Variants in CDC6 observed in about 807,000 individuals in gnomAD.
The protein encoded by CDC6 is cell division cycle 6, also known as DNA replication factor CDC6.
A neutral mutation model predicts 60.2 loss-of-function variants in CDC6; 46 were observed. That is an observed-to-expected ratio of 0.76 (90% CI 0.60 to 0.98). The LOEUF (loss-of-function observed/expected upper bound fraction) is 0.98, where lower values mean the gene tolerates loss of function less well. CDC6 is among the 50% of genes least tolerant of loss of function. The pLI is 0.00. For synonymous variants in CDC6, 210 were observed against 233.2 expected, an observed-to-expected ratio of 0.90 and a Z score of 0.90; for missense variants, 596 against 652.9, an observed-to-expected ratio of 0.91 and a Z score of 0.95.
rs370781820 is a variant in CDC6, at chr17:40,302,023, C to T, written c.*22C>T. On this transcript the variant is annotated 3_prime_UTR_variant, in exon 12 of 12. Coordinates refer to ENST00000209728, the MANE Select transcript of CDC6 (RefSeq NM_001254.4). Reference sequence around the variant, plus strand: ...TTAAATTCTTCTCTTACACCCCACCCGAAAGTATTCAGCTGGCATTTAGAG... The same window carrying T: ...TTAAATTCTTCTCTTACACCCCACCTGAAAGTATTCAGCTGGCATTTAGAG... 19 of 1,315,656 alleles carry T rather than the reference C, an allele frequency of 1.4e-5. No individual in the cohort carries two copies. The highest frequency in any genetic ancestry group is 7.1e-5 in the South Asian group (6 of 85,066). 81.5% of individuals were successfully genotyped at this position (1,315,656 alleles called of 1,614,324 possible). A position where few individuals can be genotyped will look rare whatever the true frequency, so the allele number is the denominator to read the frequency against.
intron 8 of CDC6, 136 bp from the exon 9 acceptor site, chr17:40,296,565 AAC>A (rs1253949094): frequency 6.0e-6 from 4 of 666,016 alleles, no homozygotes; most frequent in Non-Finnish European, 1.1e-5. Flanking sequence ...GTGTAGGCTA[AAC>A]CATGTTAGCC....
At chr17:40,291,698 T>C in intron 4 of CDC6, 30 bp downstream of exon 4, 1 of 1,574,872 alleles carries the variant, frequency 6.3e-7, no homozygotes, top group South Asian at 1.1e-5. Context: ...TATGATACTC[T>C]TGGTAAAATG....
At position 40,287,943 on chromosome 17, in the gene CDC6, TGTG is replaced by T. The variant is rs1190078508; in HGVS notation, c.-154_-152del. The T allele has an allele frequency of 1.3e-5, 2 of 153,214 alleles. No homozygotes were observed. Among genetic ancestry groups the T allele is most frequent in the Non-Finnish European group, 1.5e-5 (1 of 68,400 alleles). 9.5% of individuals were successfully genotyped at this position (153,214 alleles called of 1,614,324 possible). A position where few individuals can be genotyped will look rare whatever the true frequency, so the allele number is the denominator to read the frequency against. ...CCGCTGTGCAGTTTGTTCAGGGGCT[TGTG>T]GTGGTGAGTCCGAGAGGCTGCGTGT... On this transcript the variant is annotated 5_prime_UTR_variant, in exon 1 of 12. Coordinates refer to ENST00000209728, the MANE Select transcript of CDC6 (RefSeq NM_001254.4).
chr17:40,291,673 A>G lies in CDC6; in HGVS notation c.660+5A>G. The G allele has an allele frequency of 6.2e-7, 1 of 1,610,070 alleles. No individual in the cohort carries two copies. The highest frequency in any genetic ancestry group is 8.5e-7 in the Non-Finnish European group (1 of 1,176,292). ...CGGATTCTGCAAGACCTCAAGGTAC[A>G]TTGAGAGTCTGAATTATGATACTCT... On this transcript the variant is annotated splice_donor_5th_base_variant and intron_variant, in intron 4 of 11. Transcript: ENST00000209728.
intron 6 of CDC6, 48 bp from the exon 7 acceptor site, chr17:40,294,316 C>T: frequency 6.8e-7 from 1 of 1,461,580 alleles, no homozygotes; most frequent in Non-Finnish European, 9.6e-7. Context: ...TTAGTTTTCC[C>T]TTTAGGATAA....
At position 40,300,912 on chromosome 17, in the gene CDC6, G is replaced by A. The variant is rs762758881; in HGVS notation, c.1334G>A (p.Arg445Lys). The A allele has an allele frequency of 6.2e-7, 1 of 1,613,970 alleles. No homozygotes were observed. The highest frequency in any genetic ancestry group is 1.1e-5 in the South Asian group (1 of 91,080). Residue 445 changes from arginine (R) to lysine (K), a missense_variant, in exon 10 of 12, where the codon AGG (arginine) becomes AAG (lysine). Arg to Lys is a conservative substitution (Grantham distance 26). Transcript: ENST00000209728. ...SQVISEVDGN[R>K]MTLSQEGAQD... is the part of the protein sequence containing the mutation. Reference sequence around the variant, plus strand: ...GTCATCTCAGAAGTTGATGGTAACAGGATGACCTTGAGCCAAGAAGGAGCA... The same window carrying A: ...GTCATCTCAGAAGTTGATGGTAACAAGATGACCTTGAGCCAAGAAGGAGCA...
chr17:40,290,077 G>A (rs1206563406), intron 2 of CDC6, among the ~76,000 whole-genome samples: 2 of 151,960 alleles, frequency 1.3e-5, no homozygotes, highest in African/African-American at 2.4e-5. Flanking sequence ...AGTGCTTACC[G>A]AACTCCAGAG....
intron 6 of CDC6, 92 bp downstream of exon 6, chr17:40,294,148 C>G (rs2032821613): frequency 9.0e-7 from 1 of 1,111,146 alleles, no homozygotes; most frequent in Non-Finnish European, 1.4e-6. Flanking sequence ...TTATCTTAAA[C>G]CAGCTTTCTG....
chr17:40,301,843 A>C, intron 11 of CDC6, 69 bp from the exon 12 acceptor site: 1 of 1,080,956 alleles, frequency 9.3e-7, no homozygotes, highest in Non-Finnish European at 1.4e-6. Context: ...ATATGGTAGA[A>C]GTTTGTATAC....
chr17:40,289,249 G>C lies in CDC6; in HGVS notation c.-13-159G>C. The C allele has an allele frequency of 7.5e-6, 5 of 666,862 alleles. No homozygotes were observed. The South Asian group carries it at 8.5e-5, about 11-fold the overall frequency. The allele number at this position is 666,862 out of a possible 1,614,324, so 41.3% of individuals were successfully genotyped here. On this transcript the variant is annotated intron_variant, in intron 1 of 11. Coordinates refer to ENST00000209728, the MANE Select transcript of CDC6 (RefSeq NM_001254.4). ...TAGACAACAAATGTCAGCTGTTCTTGCATAGATTTGGATGTGAAGCAAAAG... is the reference window on the plus strand; with the variant it reads ...TAGACAACAAATGTCAGCTGTTCTTCCATAGATTTGGATGTGAAGCAAAAG...
At position 40,291,274 on chromosome 17, in the gene CDC6, C is replaced by G. The variant is rs1475590899; in HGVS notation, c.395C>G (p.Thr132Arg). The G allele has an allele frequency of 1.2e-6, 2 of 1,614,150 alleles. No individual in the cohort carries two copies. The highest frequency in any genetic ancestry group is 1.7e-5 in the Admixed American group (1 of 60,028). ...SSVRKSQEIT[T>R]NSEQRCPLKK... ...GTTAGAAAAAGTCAAGAGATCACAA[C>G]AAATTCTGAGCAGAGATGTCCACTG... Residue 132 changes from threonine to arginine, a missense_variant, in exon 3 of 12, where the codon ACA becomes AGA. By Grantham distance (71) the Thr-to-Arg change is moderately conservative. Coordinates refer to ENST00000209728, the MANE Select transcript of CDC6 (RefSeq NM_001254.4).
At position 40,291,187 on chromosome 17, in the gene CDC6, CA is replaced by C; in HGVS notation, c.310del (p.Ile104LeufsTer9). On this transcript the variant is annotated frameshift_variant, in exon 3 of 12. Coordinates refer to ENST00000209728, the MANE Select transcript of CDC6 (RefSeq NM_001254.4). LOFTEE classifies it high-confidence loss of function. ...GRRLVFDNQLTIKSPSKRELA... is the reference protein window; with the variant it reads ...GRRLVFDNQLXIKSPSKRELA... The stretch of plus-strand genomic sequence containing the variant: ...AGATTGGTATTTGACAATCAGCTGA[CA>C]ATTAAGTCTCCTAGCAAAAGAGAAC... 1 of 1,614,144 alleles carries C rather than the reference CA, an allele frequency of 6.2e-7. No homozygotes were observed. Among genetic ancestry groups the C allele is most frequent in the South Asian group, 1.1e-5 (1 of 91,080 alleles).
chr17:40,296,857 T>A, intron 9 of CDC6, 90 bp downstream of exon 9: 1 of 906,966 alleles, frequency 1.1e-6, no homozygotes, highest in Non-Finnish European at 1.9e-6. Flanking sequence ...TGAACATAGT[T>A]AAATCCAAAC....
chr17:40,295,868 C>A (rs1480084427), intron 8 of CDC6, among the ~76,000 whole-genome samples: 1 of 152,016 alleles, frequency 6.6e-6, no homozygotes, highest in East Asian at 1.9e-4. Flanking sequence ...AGTTGGTGGT[C>A]CCCCACAGTT....
In CDC6 at chr17:40,293,535, C is replaced by T; in HGVS notation, c.740C>T (p.Ala247Val). 6.2e-7 allele frequency: 1 copy of T among 1,613,582 alleles called. No individual in the cohort carries two copies. Among genetic ancestry groups the T allele is most frequent in the Non-Finnish European group, 8.5e-7 (1 of 1,179,546 alleles). ...RTAQAVFPAI[A>V]QEICQEEVSR... is the part of the protein sequence containing the mutation. ...GCCCAGGCTGTATTCCCAGCTATTGCTCAGGAGATTTGTCAGGAAGAGGTA... is the reference window on the plus strand; with the variant it reads ...GCCCAGGCTGTATTCCCAGCTATTGTTCAGGAGATTTGTCAGGAAGAGGTA... Residue 247 changes from alanine (A) to valine (V), a missense_variant, in exon 5 of 12, where the codon GCT becomes GTT. Physicochemically the swap from Ala to Val is moderately conservative, Grantham distance 64. Transcript: ENST00000209728.
In CDC6 at chr17:40,291,742, G is replaced by A. The variant is rs1218779705; in HGVS notation, c.660+74G>A. On this transcript the variant is annotated intron_variant, in intron 4 of 11. Transcript: ENST00000209728. The stretch of plus-strand genomic sequence containing the variant: ...GTGTTTTTGTTTGTTTGTTTGTTTT[G>A]TTTTGTTTTGTTTTGTTTTTTGAGA... 16 of 1,449,508 alleles carry A rather than the reference G, an allele frequency of 1.1e-5. No homozygotes were observed. The African/African-American group carries it at 2.4e-4, about 22-fold the overall frequency. The allele number at this position is 1,449,508 out of a possible 1,614,324, so 89.8% of individuals were successfully genotyped here.
rs775419688 is a variant in CDC6 at position 40,301,513 on chromosome 17, G to T, written c.1498G>T (p.Ala500Ser). The T allele has an allele frequency of 6.2e-7, 1 of 1,613,718 alleles. No individual in the cohort carries two copies. The highest frequency in any genetic ancestry group is 1.1e-5 in the South Asian group (1 of 91,084). ...AGTCTGTCGCAAACAGCAGGTGGCG[G>T]CTGTGGACCAGTCAGAGTGTTTGTC... Reference protein sequence around the residue: ...SKVCRKQQVAAVDQSECLSLS... With the variant: ...SKVCRKQQVASVDQSECLSLS... The change falls in exon 11 of 12, where the codon GCT (alanine) becomes TCT (serine). Residue 500 changes from alanine to serine, a missense_variant. Ala to Ser is a moderately conservative substitution (Grantham distance 99, BLOSUM62 1). Transcript: ENST00000209728.
At chr17:40,301,099 C>T in intron 10 of CDC6, 69 bp downstream of exon 10, 1 of 1,071,030 alleles carries the variant, frequency 9.3e-7, no homozygotes, top group Non-Finnish European at 1.5e-6. Flanking sequence ...AGGTATTTTC[C>T]AAAAGGCCTA....
rs1164733445 is a variant in CDC6, at chr17:40,291,614, T to A, written c.606T>A (p.Gly202=). Residue 202 remains glycine, a synonymous_variant, in exon 4 of 12, where the codon GGT becomes GGA. Transcript: ENST00000209728. The stretch of plus-strand genomic sequence containing the variant: ...AAGCTGGAAGCCTTTACCTTTCTGG[T>A]GCTCCTGGAACTGGAAAAACTGCCT... ...GKKAGSLYLS[G]APGTGKTACL... The A allele has an allele frequency of 6.2e-7, 1 of 1,614,278 alleles. No individual in the cohort carries two copies. The highest frequency in any genetic ancestry group is 8.5e-7 in the Non-Finnish European group (1 of 1,180,050).
Sources: gnomAD v4.1 joint callset for allele counts (sites outside exome capture counted in the v4.1 genomes callset) on GRCh38, gnomAD v4.1.1 for gene constraint, MANE v1.5 for transcripts, NCBI Gene and HGNC (gene_info 2026-07-23, HGNC 2026-07-21) for gene names.